FBXL13: variants seen among roughly 807,000 people sequenced by gnomAD.
The protein encoded by FBXL13 is F-box and leucine rich repeat protein 13, also known as F-box and leucine-rich repeat protein 13.
In FBXL13, 67 loss-of-function variants were observed where a neutral mutation model predicts 83.6. That is an observed-to-expected ratio of 0.80 (90% CI 0.66 to 0.98). FBXL13 has a LOEUF of 0.98. Ranked by LOEUF, FBXL13 falls within the 50% of genes least tolerant of loss-of-function variation. The pLI, the probability that FBXL13 is intolerant of heterozygous loss-of-function variation, is 0.00. For missense variants in FBXL13, 822 were observed against 866.5 expected (o/e 0.95, Z 0.64); for synonymous variants, 272 against 299.5 (o/e 0.91, Z 0.95).
intron 10 of FBXL13, among the ~76,000 whole-genome samples, chr7:102,921,327 C>T (rs1816971864): frequency 6.6e-6 from 1 of 152,138 alleles, no homozygotes; most frequent in African/African-American, 2.4e-5. Flanking sequence ...TAATATATCA[C>T]TATTATAATG....
chr7:103,003,158 T>C (rs1413614415), intron 6 of FBXL13, among the ~76,000 whole-genome samples: 2 of 152,060 alleles, frequency 1.3e-5, no homozygotes, highest in African/African-American at 4.8e-5. Context: ...CTGATTCTTT[T>C]CTCTGCTTGA....
intron 6 of FBXL13, among the ~76,000 whole-genome samples, chr7:103,008,842 G>C (rs1791272919): frequency 6.6e-6 from 1 of 152,202 alleles, no homozygotes; most frequent in African/African-American, 2.4e-5. Flanking sequence ...ACAGGCGTGA[G>C]CCACCGCGCC....
chr7:102,854,698 CT>C (rs971732532), intron 17 of FBXL13, 78 bp downstream of exon 18: 6 of 846,240 alleles, frequency 7.1e-6, no homozygotes, highest in African/African-American at 5.4e-5. Context: ...AAAAATAGTC[CT>C]TTTTATTCAT....
chr7:102,832,184 C>T (rs148588440), intron 18 of FBXL13, among the ~76,000 whole-genome samples: 4 of 152,260 alleles, frequency 2.6e-5, no homozygotes, highest in African/African-American at 9.6e-5. Flanking sequence ...ATAATGAGTA[C>T]TTACTTCATT....
intron 8 of FBXL13, among the ~76,000 whole-genome samples, chr7:102,936,862 C>T (rs1272275431): frequency 1.3e-5 from 2 of 152,142 alleles, no homozygotes; most frequent in Admixed American, 6.5e-5. Flanking sequence ...TTTTTCACTG[C>T]TTTTATGCTC....
At chr7:102,877,675 G>A in intron 15 of FBXL13, 82 bp from the exon 17 acceptor site, 2 of 1,412,666 alleles carry the variant, frequency 1.4e-6, no homozygotes, top group South Asian at 1.3e-5. Flanking sequence ...ACTATCTTGG[G>A]AAAACAAATG....
Position 102,864,368 on chromosome 7 carries a change from G to A in FBXL13, c.1636-9508C>T, listed in dbSNP as rs1427023146. ...TCCTCCACAGAGACAACAGAGACAA[G>A]TGTTCATTTTTTTTTTTAAGATGGA... On this transcript the variant is annotated intron_variant, in intron 16 of 19. Coordinates refer to ENST00000313221, the Ensembl canonical transcript of FBXL13. Among the ~76,000 whole-genome samples, 3 of 147,682 alleles carry A rather than the reference G, an allele frequency of 2.0e-5. No individual in the cohort carries two copies. In the East Asian group the frequency reaches 6.6e-4, roughly 32 times the overall value.
chr7:103,003,963 T>G (rs1279069885), intron 6 of FBXL13, among the ~76,000 whole-genome samples: 1 of 152,228 alleles, frequency 6.6e-6, no homozygotes, highest in Non-Finnish European at 1.5e-5. Flanking sequence ...TTTTGTGTGT[T>G]ATCTTGGAGT....
In FBXL13 at chr7:102,833,099, A is replaced by C. The variant is rs114841652; in HGVS notation, c.1720-125T>G. ...ACAGATGTTAGATCTTGATGCCCCCAAAAAATAATTTAAAAAACCCATGTT... is the reference window on the plus strand; with the variant it reads ...ACAGATGTTAGATCTTGATGCCCCCCAAAAATAATTTAAAAAACCCATGTT... On this transcript the variant is annotated intron_variant, in intron 17 of 19. Transcript: ENST00000313221. 2.6e-3 allele frequency: 2,531 copies of C among 985,088 alleles called. 53 individuals are homozygous for C. The African/African-American group carries it at 0.037, about 15-fold the overall frequency. 61.0% of individuals were successfully genotyped at this position (985,088 alleles called of 1,614,324 possible). A position where few individuals can be genotyped will look rare whatever the true frequency, so the allele number is the denominator to read the frequency against.
At chr7:103,042,414 A>T (rs1427213573) in intron 2 of FBXL13, among the ~76,000 whole-genome samples, 1 of 152,214 alleles carries the variant, frequency 6.6e-6, no homozygotes, top group Non-Finnish European at 1.5e-5. Context: ...TAATTTATAG[A>T]TTCAATGCTA....
chr7:102,813,084 C>A, downstream of FBXL13: 2 of 304,338 alleles, frequency 6.6e-6, no homozygotes, highest in East Asian at 6.7e-5. Context: ...TTATGGTCCA[C>A]CCGCCTTGGC....
chr7:102,942,479 C>G, intron 8 of FBXL13: 1 of 591,442 alleles, frequency 1.7e-6, no homozygotes, highest in East Asian at 3.1e-5. Context: ...AAGAAACAGA[C>G]TAAAACTAGT....
rs763650151 is a variant in FBXL13, at chr7:103,025,227, A to G, written c.331T>C (p.Leu111=). ...TTTTTCAATTGAAGTTCATGTTTTA[A>G]TATCTGCAATGAAAATAATTTTAAA... The change falls in exon 6 of 20, where the codon TTA becomes CTA. Residue 111 remains leucine (L), a synonymous_variant. Transcript: ENST00000313221. The G allele has an allele frequency of 2.1e-5, 32 of 1,559,954 alleles. No homozygotes were observed. In the South Asian group the frequency reaches 2.9e-4, roughly 14 times the overall value.
At position 102,821,901 on chromosome 7, in the gene FBXL13, C is replaced by T. The variant is rs566409054; in HGVS notation, c.2018+139G>A. 1.3e-5 allele frequency: 12 copies of T among 954,642 alleles called. No individual in the cohort carries two copies. In the South Asian group the frequency reaches 1.9e-4, roughly 15 times the overall value. 59.1% of individuals were successfully genotyped at this position (954,642 alleles called of 1,614,324 possible). ...GTTTTAGAACAACTCACAATGTTAG[C>T]TTCAATTAGGCAAAAAATAAAATGA... On this transcript the variant is annotated intron_variant, in intron 19 of 19. Coordinates refer to ENST00000313221, the Ensembl canonical transcript of FBXL13.
intron 11 of FBXL13, among the ~76,000 whole-genome samples, chr7:102,893,223 A>T (rs1231408646): frequency 1.3e-5 from 2 of 152,326 alleles, no homozygotes; most frequent in African/African-American, 4.8e-5. Context: ...TATCACAGCA[A>T]CCTGAAATTT....
In FBXL13 at chr7:102,820,074, A is replaced by C. The variant is rs76483308; in HGVS notation, c.2018+1966T>G. 0.014 allele frequency among the ~76,000 whole-genome samples: 2,137 copies of C among 152,296 alleles called. 118 individuals carry two copies. The East Asian group carries it at 0.16, about 11-fold the overall frequency. On this transcript the variant is annotated intron_variant, in intron 19 of 19. Coordinates refer to ENST00000313221, the Ensembl canonical transcript of FBXL13. ...ATGTTTCTGGAGCTTTACTAGTCCA[A>C]ACACTGGGACTCTCCAAGCCACTCT...
At chr7:102,920,075 AG>A (rs1157431425) in intron 10 of FBXL13, among the ~76,000 whole-genome samples, 1 of 152,200 alleles carries the variant, frequency 6.6e-6, no homozygotes, top group African/African-American at 2.4e-5. Context: ...AGTTCAAGGG[AG>A]AAGTAGAGGG....
At chr7:102,901,429 G>T (rs914386024) in intron 11 of FBXL13, among the ~76,000 whole-genome samples, 2 of 152,042 alleles carry the variant, frequency 1.3e-5, no homozygotes, top group South Asian at 4.1e-4. Flanking sequence ...TTACACTCAA[G>T]TTCTTTTAAA....
chr7:103,025,062 C>T lies in FBXL13; in HGVS notation c.495+1G>A. The T allele has an allele frequency of 6.2e-7, 1 of 1,606,570 alleles. No homozygotes were observed. Among genetic ancestry groups the T allele is most frequent in the Non-Finnish European group, 8.5e-7 (1 of 1,176,340 alleles). On this transcript the variant is annotated splice_donor_variant, in intron 6 of 19. Transcript: ENST00000313221. LOFTEE classifies it high-confidence loss of function. The stretch of plus-strand genomic sequence containing the variant: ...ATAATGTATACTGAATTCATACAAA[C>T]CTGTAATATTGCTCTTTCAGGTAAC...
Sources: gnomAD v4.1 joint callset for allele counts (sites outside exome capture counted in the v4.1 genomes callset) on GRCh38, gnomAD v4.1.1 for gene constraint, MANE v1.5 for transcripts, NCBI Gene and HGNC (gene_info 2026-07-23, HGNC 2026-07-21) for gene names.